Variants in ZNF723 observed in about 807,000 individuals in gnomAD.
The protein encoded by ZNF723 is zinc finger protein 723, pseudogene.
A neutral mutation model predicts 9.4 loss-of-function variants in ZNF723; 5 were observed. The observed-to-expected ratio is 0.53, with a 90% confidence interval of 0.28 to 1.12. ZNF723 has a LOEUF of 1.12. Among genes scored for constraint, ZNF723 ranks in the 50% most tolerant of loss-of-function variants. ZNF723 has a pLI of 0.10. For missense variants in ZNF723, 450 were observed against 501.5 expected, an observed-to-expected ratio of 0.90 and a Z score of 0.98; for synonymous variants, 158 against 168.8, an observed-to-expected ratio of 0.94 and a Z score of 0.49.
upstream of ZNF723, among the ~76,000 whole-genome samples, chr19:22,828,378 G>T (rs1252186304): frequency 1.3e-5 from 2 of 152,208 alleles, no homozygotes; most frequent in Admixed American, 6.5e-5. Context: ...AAGTTGGCGG[G>T]GGGTGGTGGC....
At chr19:22,825,536 T>A in the ZNF723 span, among the ~76,000 whole-genome samples, 8,007 of 152,334 alleles carry the variant, frequency 0.053, 667 homozygotes, top group African/African-American at 0.18. Flanking sequence ...CTTTCTTTCC[T>A]GGGTGCTGCC....
the ZNF723 span, among the ~76,000 whole-genome samples, chr19:22,824,001 A>G: frequency 6.6e-6 from 1 of 152,232 alleles, no homozygotes. Context: ...AGAACTTATG[A>G]CATGTTGCTG....
In ZNF723 at chr19:22,832,306, T is replaced by A. The variant is rs993327983; in HGVS notation, c.-74T>A. The A allele has an allele frequency of 6.9e-6, 9 of 1,304,600 alleles. No homozygotes were observed. Among genetic ancestry groups the A allele is most frequent in the Non-Finnish European group, 9.7e-6 (9 of 929,128 alleles). The allele number at this position is 1,304,600 out of a possible 1,614,324, so 80.8% of individuals were successfully genotyped here. ...TTGGCGCGGCCTTTTGAGTTCCTGG[T>A]CTCTGTGGCCTCCTGACCTACATGC... On this transcript the variant is annotated 5_prime_UTR_variant, in exon 1 of 4. Coordinates refer to ENST00000600766, the MANE Select transcript of ZNF723 (RefSeq NM_001349726.2).
At chr19:22,833,939 TTTTTTTTTTC>T (rs1434101780) in intron 1 of ZNF723, among the ~76,000 whole-genome samples, 5 of 142,784 alleles carry the variant, frequency 3.5e-5, no homozygotes, top group African/African-American at 1.4e-4. Context: ...TTTTTTTTTT[TTTTTTTTTTC>T]CGAGTCTCCT....
At chr19:22,819,094 A>C in the ZNF723 span, among the ~76,000 whole-genome samples, 18 of 152,108 alleles carry the variant, frequency 1.2e-4, no homozygotes, top group Non-Finnish European at 2.5e-4. Flanking sequence ...ATAGTGACAT[A>C]TCACTAGGCT....
chr19:22,853,717 A>G (rs945049855), intron 3 of ZNF723, among the ~76,000 whole-genome samples: 2 of 152,118 alleles, frequency 1.3e-5, no homozygotes, highest in South Asian at 2.1e-4. Context: ...TCCTCCTCCC[A>G]GGTGAACCTG....
At chr19:22,824,724 A>G in the ZNF723 span, among the ~76,000 whole-genome samples, 2 of 152,120 alleles carry the variant, frequency 1.3e-5, no homozygotes, top group Admixed American at 1.3e-4. Context: ...ACATGTTTTT[A>G]GCCTACAGTT....
At chr19:22,820,272 C>T in the ZNF723 span, among the ~76,000 whole-genome samples, 2 of 152,032 alleles carry the variant, frequency 1.3e-5, no homozygotes, top group East Asian at 1.9e-4. Context: ...ACTCATGGGC[C>T]CCCAAACCAG....
chr19:22,813,664 C>T, the ZNF723 span, among the ~76,000 whole-genome samples: 1 of 151,702 alleles, frequency 6.6e-6, no homozygotes, highest in South Asian at 2.1e-4. Context: ...TTGCTTGAAT[C>T]CAGGAGGTGG....
At chr19:22,834,203 A>G (rs1429790710) in intron 1 of ZNF723, among the ~76,000 whole-genome samples, 1 of 151,982 alleles carries the variant, frequency 6.6e-6, no homozygotes, top group Non-Finnish European at 1.5e-5. Flanking sequence ...GGCATGAGCC[A>G]CTGCGCCCAG....
chr19:22,853,387 G>A (rs1179451447), intron 3 of ZNF723, among the ~76,000 whole-genome samples: 1 of 151,932 alleles, frequency 6.6e-6, no homozygotes, highest in African/African-American at 2.4e-5. Context: ...CATTAAATCT[G>A]TAGATTACAT....
At chr19:22,816,762 ATGTGAC>A in the ZNF723 span, among the ~76,000 whole-genome samples, 1 of 152,238 alleles carries the variant, frequency 6.6e-6, no homozygotes, top group Admixed American at 6.5e-5. Context: ...CACATAGGCT[ATGTGAC>A]TGTCCTGCCT....
At chr19:22,845,913 AAC>A (rs1967302482) in intron 1 of ZNF723, among the ~76,000 whole-genome samples, 1 of 95,858 alleles carries the variant, frequency 1.0e-5, no homozygotes, top group African/African-American at 5.0e-5. Context: ...TTTTTAGCTA[AAC>A]ACATCTCAGA....
chr19:22,844,514 G>C (rs1180692204), intron 1 of ZNF723, among the ~76,000 whole-genome samples: 1 of 152,080 alleles, frequency 6.6e-6, no homozygotes, highest in Non-Finnish European at 1.5e-5. Context: ...TGTATTATTC[G>C]TATTAGTACT....
intron 3 of ZNF723, among the ~76,000 whole-genome samples, chr19:22,855,901 AGTTT>A (rs1029554818): frequency 6.6e-6 from 1 of 151,866 alleles, no homozygotes; most frequent in African/African-American, 2.4e-5. Context: ...TGTGTTTCCT[AGTTT>A]GTTTGTTGAG....
chr19:22,857,710 T>C lies in ZNF723; in HGVS notation c.819T>C (p.Asn273=). 2 of 1,271,036 alleles carry C rather than the reference T, an allele frequency of 1.6e-6. No homozygotes were observed. The highest frequency in any genetic ancestry group is 2.3e-6 in the Non-Finnish European group (2 of 867,866). 78.7% of individuals were successfully genotyped at this position (1,271,036 alleles called of 1,614,324 possible). A position where few individuals can be genotyped will look rare whatever the true frequency, so the allele number is the denominator to read the frequency against. The change falls in exon 4 of 4, where the codon AAT becomes AAC. Residue 273 remains asparagine (N), a synonymous_variant. Coordinates refer to ENST00000600766, the MANE Select transcript of ZNF723 (RefSeq NM_001349726.2). The part of the protein sequence containing the change: ...GKTFNMFSSL[N]NHKRIHTGEK... ...CCTTTAATATGTTCTCAAGCCTTAA[T>C]AATCATAAGAGAATTCACACTGGAG...
At chr19:22,812,932 C>T in the ZNF723 span, among the ~76,000 whole-genome samples, 1 of 150,934 alleles carries the variant, frequency 6.6e-6, no homozygotes, top group Admixed American at 6.6e-5. Context: ...TGTACTTAGA[C>T]TCAACATATA....
At chr19:22,842,026 A>C (rs952315897) in intron 1 of ZNF723, among the ~76,000 whole-genome samples, 2 of 150,774 alleles carry the variant, frequency 1.3e-5, no homozygotes, top group Non-Finnish European at 3.0e-5. Context: ...TGTTGTTTTG[A>C]GACAGTCTTG....
intron 1 of ZNF723, among the ~76,000 whole-genome samples, chr19:22,834,896 A>C (rs2094282152): frequency 6.6e-6 from 1 of 152,174 alleles, no homozygotes; most frequent in Admixed American, 6.5e-5. Context: ...AAGAATTTGC[A>C]AAGTAAACTG....
Sources: allele counts gnomAD v4.1 joint callset (sites outside exome capture counted in the v4.1 genomes callset), GRCh38; gene constraint gnomAD v4.1.1; transcripts MANE v1.5; gene names NCBI Gene and HGNC (gene_info 2026-07-23, HGNC 2026-07-21).